Variants in IVL observed in about 807,000 individuals in gnomAD.
IVL encodes the protein involucrin.
For missense variants in IVL, 722 were observed against 624.9 expected (o/e 1.16, Z -1.66); for synonymous variants, 257 against 271.0 (o/e 0.95, Z 0.51).
rs1012741876 is a variant in IVL at position 152,910,053 on chromosome 1, G to C, written c.256G>C (p.Glu86Gln). 9 of 1,614,182 alleles carry C rather than the reference G, an allele frequency of 5.6e-6. No homozygotes were observed. The highest frequency in any genetic ancestry group is 6.8e-6 in the Non-Finnish European group (8 of 1,180,010). Residue 86 changes from glutamate (E) to glutamine (Q), a missense_variant, in exon 2 of 2, where the codon GAG (glutamate) becomes CAG (glutamine). By Grantham distance (29) the Glu-to-Gln change is conservative. Coordinates refer to ENST00000368764, the MANE Select transcript of IVL (RefSeq NM_005547.4). ...ACAGCAGAAGGAGCCACAGGAGCAG[G>C]AGCTGCAGCAACAGCACTGGGAACA... ...EQQQKEPQEQ[E>Q]LQQQHWEQHE...
rs933497901 is a variant in IVL at position 152,909,893 on chromosome 1, G to A, written c.96G>A (p.Glu32=). The A allele has an allele frequency of 1.2e-6, 2 of 1,614,164 alleles. No homozygotes were observed. The part of the protein sequence containing the change: ...TVPPPVNTHQ[E]QMKQPTPLPP... ...CTCCTCCAGTCAATACCCATCAGGAGCAAATGAAACAGCCAACTCCACTGC... is the reference window on the plus strand; with the variant it reads ...CTCCTCCAGTCAATACCCATCAGGAACAAATGAAACAGCCAACTCCACTGC... Residue 32 remains glutamate, a synonymous_variant, in exon 2 of 2, where the codon GAG becomes GAA. Transcript: ENST00000368764.
At chr1:152,909,260 A>G (rs527529570) in intron 1 of IVL, among the ~76,000 whole-genome samples, 1 of 152,238 alleles carries the variant, frequency 6.6e-6, no homozygotes, top group African/African-American at 2.4e-5. Context: ...CAGCATTCCA[A>G]TGGGAGATTC....
Position 152,908,576 on chromosome 1 carries a change from T to C in IVL, c.-33T>C, listed in dbSNP as rs1278308432. 6.6e-6 allele frequency: 1 copy of C among 152,302 alleles called. No individual in the cohort carries two copies. The highest frequency in any genetic ancestry group is 2.4e-5 in the African/African-American group (1 of 41,410). 9.4% of individuals were successfully genotyped at this position (152,302 alleles called of 1,614,324 possible). A position where few individuals can be genotyped will look rare whatever the true frequency, so the allele number is the denominator to read the frequency against. On this transcript the variant is annotated 5_prime_UTR_variant, in exon 1 of 2. Coordinates refer to ENST00000368764, the MANE Select transcript of IVL (RefSeq NM_005547.4). ...CTCCACCAAAGCCTCTGCCTCAGCC[T>C]TACTGTGAGTCTGGTAAGTGTCGGA...
Position 152,911,190 on chromosome 1 carries a change from CAGG to C in IVL, c.1399_1401del (p.Glu467del), listed in dbSNP as rs1461530742. The C allele has an allele frequency of 3.2e-6, 5 of 1,559,098 alleles. No individual in the cohort carries two copies. Among genetic ancestry groups the C allele is most frequent in the Non-Finnish European group, 4.3e-6 (5 of 1,151,658 alleles). On this transcript the variant is annotated inframe_deletion, in exon 2 of 2. Coordinates refer to ENST00000368764, the MANE Select transcript of IVL (RefSeq NM_005547.4). The stretch of plus-strand genomic sequence containing the variant: ...GGTGGGGCAGCCAAAGAACCTGGAG[CAGG>C]AGGAGAAGCAACTGGAGCTCCCAGA...
Position 152,910,086 on chromosome 1 carries a change from G to C in IVL, c.289G>C (p.Glu97Gln), listed in dbSNP as rs373993505. The change falls in exon 2 of 2, where the codon GAA (glutamate) becomes CAA (glutamine). Residue 97 changes from glutamate (E) to glutamine (Q), a missense_variant. Physicochemically the swap from Glu to Gln is conservative, Grantham distance 29 (BLOSUM62 2). Coordinates refer to ENST00000368764, the MANE Select transcript of IVL (RefSeq NM_005547.4). ...LQQQHWEQHE[E>Q]YQKAENPEQQ... is the part of the protein sequence containing the mutation. ...GCAACAGCACTGGGAACAGCATGAG[G>C]AATATCAGAAAGCAGAAAACCCAGA... The C allele has an allele frequency of 1.9e-6, 3 of 1,614,190 alleles. No individual in the cohort carries two copies. The highest frequency in any genetic ancestry group is 1.7e-5 in the Admixed American group (1 of 60,020).
Position 152,910,709 on chromosome 1 carries a change from G to A in IVL, c.912G>A (p.Glu304=), listed in dbSNP as rs1375505001. 7 of 1,549,646 alleles carry A rather than the reference G, an allele frequency of 4.5e-6. No individual in the cohort carries two copies. Among genetic ancestry groups the A allele is most frequent in the African/African-American group, 4.1e-5 (3 of 72,754 alleles). Residue 304 remains glutamate, a synonymous_variant, in exon 2 of 2, where the codon GAG becomes GAA. Coordinates refer to ENST00000368764, the MANE Select transcript of IVL (RefSeq NM_005547.4). ...KHLDQQEKQP[E]LPEQQMGQLK... is the part of the protein sequence containing the mutation. Reference sequence around the variant, plus strand: ...TGGATCAGCAGGAGAAGCAGCCAGAGCTCCCAGAGCAGCAGATGGGGCAGC... The same window carrying A: ...TGGATCAGCAGGAGAAGCAGCCAGAACTCCCAGAGCAGCAGATGGGGCAGC...
chr1:152,910,050 C>T lies in IVL; in HGVS notation c.253C>T (p.Gln85Ter), dbSNP rs1338333318. ...GCAACAGCAGAAGGAGCCACAGGAG[C>T]AGGAGCTGCAGCAACAGCACTGGGA... Reference protein sequence around the residue: ...CEQQQKEPQEQELQQQHWEQH... With the variant: ...CEQQQKEPQE Residue 85 changes from glutamine to a stop codon, truncating the protein, a stop_gained, in exon 2 of 2, where the codon CAG (glutamine) becomes TAG (stop). Coordinates refer to ENST00000368764, the MANE Select transcript of IVL (RefSeq NM_005547.4). LOFTEE classifies it low-confidence loss of function (END_TRUNC). The T allele has an allele frequency of 6.2e-7, 1 of 1,614,152 alleles. No individual in the cohort carries two copies. The highest frequency in any genetic ancestry group is 1.6e-4 in the Middle Eastern group (1 of 6,062).
Position 152,910,818 on chromosome 1 carries a change from G to T in IVL, c.1021G>T (p.Gly341Trp), listed in dbSNP as rs1344533896. Residue 341 changes from glycine (G) to tryptophan (W), a missense_variant, in exon 2 of 2, where the codon GGG becomes TGG. By Grantham distance (184) the Gly-to-Trp change is radical. Transcript: ENST00000368764. ...GQLEQLEEQE[G>W]QLKHLEQQEG... ...ACTGGAGCAGCTGGAGGAGCAGGAGGGGCAGCTGAAGCACCTGGAGCAGCA... is the reference window on the plus strand; with the variant it reads ...ACTGGAGCAGCTGGAGGAGCAGGAGTGGCAGCTGAAGCACCTGGAGCAGCA... The T allele has an allele frequency of 6.4e-7, 1 of 1,550,842 alleles. No homozygotes were observed. Among genetic ancestry groups the T allele is most frequent in the Admixed American group, 2.0e-5 (1 of 50,902 alleles).
rs1188266936 is a variant in IVL at position 152,911,554 on chromosome 1, A to T, written c.1757A>T (p.Ter586LeuextTer28). ...QEVQWPPKHK[*>L] The stretch of plus-strand genomic sequence containing the variant: ...GTGCAGTGGCCACCCAAACATAAAT[A>T]ACCACCCGCAGTGTCCAGAGGCCCT... Residue 586 changes from the stop codon to leucine (L), a stop_lost, in exon 2 of 2, where the codon TAA becomes TTA. Coordinates refer to ENST00000368764, the MANE Select transcript of IVL (RefSeq NM_005547.4). 1 of 1,607,206 alleles carries T rather than the reference A, an allele frequency of 6.2e-7. No homozygotes were observed. The highest frequency in any genetic ancestry group is 1.3e-5 in the African/African-American group (1 of 74,972).
rs544910410 is a variant in IVL at position 152,909,218 on chromosome 1, C to T, written c.-19-561C>T. 1.1e-4 allele frequency among the ~76,000 whole-genome samples: 16 copies of T among 152,190 alleles called. No homozygotes were observed. The South Asian group carries it at 3.1e-3, about 30-fold the overall frequency. ...GCTTTACAGGGGGGAAAACCAAATC[C>T]CAGGAGACTAAGTGACATGCCCAGA... is the stretch of plus-strand genomic sequence containing the variant. On this transcript the variant is annotated intron_variant, in intron 1 of 1. Transcript: ENST00000368764.
At position 152,910,166 on chromosome 1, in the gene IVL, G is replaced by T. The variant is rs141684742; in HGVS notation, c.369G>T (p.Leu123=). The change falls in exon 2 of 2, where the codon CTG becomes CTT. Residue 123 remains leucine (L), a synonymous_variant. Coordinates refer to ENST00000368764, the MANE Select transcript of IVL (RefSeq NM_005547.4). ...TQRDQQLNKQ[L]EEEKKLLDQQ... is the part of the protein sequence containing the mutation. ...GGGATCAGCAGCTAAACAAACAGCT[G>T]GAAGAAGAGAAGAAGCTCTTAGACC... 3 of 1,614,038 alleles carry T rather than the reference G, an allele frequency of 1.9e-6. No individual in the cohort carries two copies. The highest frequency in any genetic ancestry group is 2.5e-6 in the Non-Finnish European group (3 of 1,180,036).
Position 152,911,196 on chromosome 1 carries a change from G to A in IVL, c.1399G>A (p.Glu467Lys), listed in dbSNP as rs375026581. Residue 467 changes from glutamate to lysine, a missense_variant, in exon 2 of 2, where the codon GAG becomes AAG. Coordinates refer to ENST00000368764, the MANE Select transcript of IVL (RefSeq NM_005547.4). Reference sequence around the variant, plus strand: ...GCAGCCAAAGAACCTGGAGCAGGAGGAGAAGCAACTGGAGCTCCCAGAGCA... The same window carrying A: ...GCAGCCAAAGAACCTGGAGCAGGAGAAGAAGCAACTGGAGCTCCCAGAGCA... ...VGQPKNLEQE[E>K]KQLELPEQQE... 35 of 1,559,708 alleles carry A rather than the reference G, an allele frequency of 2.2e-5. No homozygotes were observed. Among genetic ancestry groups the A allele is most frequent in the Admixed American group, 5.9e-5 (3 of 50,698 alleles).
Position 152,911,542 on chromosome 1 carries a change from C to T in IVL, c.1745C>T (p.Pro582Leu). The T allele has an allele frequency of 6.2e-7, 1 of 1,610,848 alleles. No individual in the cohort carries two copies. Among genetic ancestry groups the T allele is most frequent in the Non-Finnish European group, 8.5e-7 (1 of 1,178,350 alleles). The change falls in exon 2 of 2, where the codon CCC becomes CTC. Residue 582 changes from proline to leucine, a missense_variant. By Grantham distance (98) the Pro-to-Leu change is moderately conservative. Transcript: ENST00000368764. ...QQQKQEVQWP[P>L]KHK ...CAGAAGCAGGAGGTGCAGTGGCCAC[C>T]CAAACATAAATAACCACCCGCAGTG...
In IVL at chr1:152,910,729, G is replaced by A; in HGVS notation, c.932G>A (p.Gly311Glu). The A allele has an allele frequency of 6.5e-7, 1 of 1,549,986 alleles. No individual in the cohort carries two copies. The highest frequency in any genetic ancestry group is 8.7e-7 in the Non-Finnish European group (1 of 1,146,496). Residue 311 changes from glycine to glutamate, a missense_variant, in exon 2 of 2, where the codon GGG (glycine) becomes GAG (glutamate). Transcript: ENST00000368764. Reference protein sequence around the residue: ...KQPELPEQQMGQLKHLEQQEG... With the variant: ...KQPELPEQQMEQLKHLEQQEG... ...CCAGAGCTCCCAGAGCAGCAGATGG[G>A]GCAGCTGAAGCACCTGGAGCAGCAG...
At position 152,911,112 on chromosome 1, in the gene IVL, CA is replaced by C. The variant is rs770501599; in HGVS notation, c.1317del (p.Gln439HisfsTer2). ...QLKHLEEQEG[Q>X]LKHLEQQQGQ... ...GAAGCACCTAGAGGAGCAGGAGGGA[CA>C]ACTGAAGCATCTGGAGCAGCAGCAG... is the stretch of plus-strand genomic sequence containing the variant. On this transcript the variant is annotated frameshift_variant, in exon 2 of 2. Coordinates refer to ENST00000368764, the MANE Select transcript of IVL (RefSeq NM_005547.4). LOFTEE classifies it low-confidence loss of function (END_TRUNC). The C allele has an allele frequency of 2.0e-5, 31 of 1,552,820 alleles. No individual in the cohort carries two copies. The highest frequency in any genetic ancestry group is 2.7e-5 in the African/African-American group (2 of 73,196).
rs368936569 is a variant in IVL, at chr1:152,909,790, C to A, written c.-8C>A. The A allele has an allele frequency of 4.4e-6, 7 of 1,606,520 alleles. No individual in the cohort carries two copies. Among genetic ancestry groups the A allele is most frequent in the African/African-American group, 2.7e-5 (2 of 74,696 alleles). On this transcript the variant is annotated 5_prime_UTR_variant, in exon 2 of 2. Transcript: ENST00000368764. Reference sequence around the variant, plus strand: ...CTTCTGTCTTTCAGGTTGACAGTAGCTTCTAAGATGTCCCAGCAACACACA... The same window carrying A: ...CTTCTGTCTTTCAGGTTGACAGTAGATTCTAAGATGTCCCAGCAACACACA...
At position 152,910,520 on chromosome 1, in the gene IVL, G is replaced by A; in HGVS notation, c.723G>A (p.Gly241=). The A allele has an allele frequency of 1.3e-6, 2 of 1,520,764 alleles. No individual in the cohort carries two copies. The highest frequency in any genetic ancestry group is 2.5e-5 in the South Asian group (2 of 80,312). The allele number at this position is 1,520,764 out of a possible 1,614,324, so 94.2% of individuals were successfully genotyped here. A position where few individuals can be genotyped will look rare whatever the true frequency, so the allele number is the denominator to read the frequency against. ...GQLELPQQQE[G]QLELSEQQEG... ...TGGAGCTCCCACAGCAGCAGGAGGG[G>A]CAGCTGGAGCTCTCTGAGCAGCAGG... Residue 241 remains glycine, a synonymous_variant, in exon 2 of 2, where the codon GGG becomes GGA. Coordinates refer to ENST00000368764, the MANE Select transcript of IVL (RefSeq NM_005547.4).
chr1:152,910,253 G>A lies in IVL; in HGVS notation c.456G>A (p.Leu152=), dbSNP rs142865679. 2.0e-5 allele frequency: 33 copies of A among 1,614,138 alleles called. No homozygotes were observed. Among genetic ancestry groups the A allele is most frequent in the Non-Finnish European group, 2.1e-5 (25 of 1,180,022 alleles). The change falls in exon 2 of 2, where the codon CTG becomes CTA. Residue 152 remains leucine, a synonymous_variant. Transcript: ENST00000368764. ...DEQLGMKKEQ[L]LELPEQQEGH... is the part of the protein sequence containing the mutation. ...AACTGGGAATGAAGAAAGAGCAACTGTTGGAGCTCCCAGAGCAGCAGGAGG... is the reference window on the plus strand; with the variant it reads ...AACTGGGAATGAAGAAAGAGCAACTATTGGAGCTCCCAGAGCAGCAGGAGG...
rs188859642 is a variant in IVL at position 152,909,903 on chromosome 1, C to A, written c.106C>A (p.Gln36Lys). 1.2e-6 allele frequency: 2 copies of A among 1,614,194 alleles called. No homozygotes were observed. Among genetic ancestry groups the A allele is most frequent in the East Asian group, 2.2e-5 (1 of 44,876 alleles). Residue 36 changes from glutamine (Q) to lysine (K), a missense_variant, in exon 2 of 2, where the codon CAG (glutamine) becomes AAG (lysine). Physicochemically the swap from Gln to Lys is moderately conservative, Grantham distance 53. Transcript: ENST00000368764. ...CAATACCCATCAGGAGCAAATGAAA[C>A]AGCCAACTCCACTGCCTCCCCCATG... Reference protein sequence around the residue: ...PVNTHQEQMKQPTPLPPPCQK... With the variant: ...PVNTHQEQMKKPTPLPPPCQK...
Sources: gnomAD v4.1 joint callset for allele counts (sites outside exome capture counted in the v4.1 genomes callset) on GRCh38, gnomAD v4.1.1 for gene constraint, MANE v1.5 for transcripts, NCBI Gene and HGNC (gene_info 2026-07-23, HGNC 2026-07-21) for gene names.